ANK1: variants seen among roughly 807,000 people sequenced by gnomAD.
ANK1 encodes ankyrin-1.
A neutral mutation model predicts 210.4 loss-of-function variants in ANK1; 51 were observed. That is an observed-to-expected ratio of 0.24 (90% confidence interval 0.19 to 0.31). The LOEUF (loss-of-function observed/expected upper bound fraction) is 0.31. ANK1 is among the 10% of genes least tolerant of loss of function. ANK1 has a pLI of 1.00. For missense variants in ANK1, 2,051 were observed against 2,504.4 expected (o/e 0.82, Z 3.86); for synonymous variants, 967 against 1,025.9 (o/e 0.94, Z 1.10).
At chr8:41,868,546 G>A (rs984338479) in intron 1 of ANK1, among the ~76,000 whole-genome samples, 3 of 152,138 alleles carry the variant, frequency 2.0e-5, no homozygotes, top group African/African-American at 7.2e-5. Flanking sequence ...AAATGTTCAC[G>A]GCATTTATTC....
At chr8:41,815,553 T>C (rs567938976) in intron 1 of ANK1, among the ~76,000 whole-genome samples, 17 of 152,244 alleles carry the variant, frequency 1.1e-4, no homozygotes, top group Non-Finnish European at 2.1e-4. Context: ...TGAAACAACC[T>C]TTTGATAACC....
intron 9 of ANK1, among the ~76,000 whole-genome samples, chr8:41,720,456 A>T (rs1586434567): frequency 6.6e-6 from 1 of 152,200 alleles, no homozygotes; most frequent in South Asian, 2.1e-4. Flanking sequence ...CTCATTTCTC[A>T]AACAGCAATT....
Position 41,661,506 on chromosome 8 carries a change from T to C in ANK1, c.5603A>G (p.Gln1868Arg), listed in dbSNP as rs770130197. The C allele has an allele frequency of 1.2e-6, 2 of 1,614,080 alleles. No homozygotes were observed. The highest frequency in any genetic ancestry group is 3.3e-5 in the Admixed American group (2 of 60,026). ...TTTCAGGCTGGCCCGCTTCACTATCTGCGCCCCCTTCCTGCCCTCTATCAG... is the reference window on the plus strand; with the variant it reads ...TTTCAGGCTGGCCCGCTTCACTATCCGCGCCCCCTTCCTGCCCTCTATCAG... ...PDLIEGRKGAQIVKRASLKRG... is the reference protein window; with the variant it reads ...PDLIEGRKGARIVKRASLKRG... Residue 1868 changes from glutamine to arginine, a missense_variant, in exon 42 of 43, where the codon CAG becomes CGG. This residue lies in a region of ANK1 where 496 missense variants were observed against 533.4 expected (regional missense o/e 0.93). Transcript: ENST00000289734.
chr8:41,748,952 A>C (rs145450557), intron 2 of ANK1, among the ~76,000 whole-genome samples: 9 of 151,828 alleles, frequency 5.9e-5, no homozygotes, highest in Non-Finnish European at 1.0e-4. Flanking sequence ...GGAGAATGGC[A>C]TGAACCTGGG....
At chr8:41,742,493 C>T (rs960291998) in intron 2 of ANK1, among the ~76,000 whole-genome samples, 1 of 152,224 alleles carries the variant, frequency 6.6e-6, no homozygotes, top group African/African-American at 2.4e-5. Context: ...TCAGCTGCAT[C>T]CCGTGACTGA....
At chr8:41,896,628 C>T in exon 1 of ANK1, 1 of 1,146,026 alleles carries the variant, frequency 8.7e-7, no homozygotes, top group Non-Finnish European at 1.1e-6. Context: ...GCTGCGGGGT[C>T]GCGGGAAGGC....
intron 23 of ANK1, among the ~76,000 whole-genome samples, chr8:41,698,873 T>C (rs556348148): frequency 6.6e-6 from 1 of 152,212 alleles, no homozygotes; most frequent in African/African-American, 2.4e-5. Flanking sequence ...CTTGGCTCAC[T>C]ACAACCTCCG....
upstream of ANK1, chr8:41,797,771 C>A (rs1849071547): frequency 3.7e-6 from 2 of 546,118 alleles, no homozygotes; most frequent in East Asian, 3.5e-5. The surrounding 1 kb of genome is among the most constrained non-coding windows in gnomAD (Gnocchi z 4.0). Context: ...CCTCCCCCAA[C>A]CCCAGGAGGC....
chr8:41,850,672 GA>G (rs201768897), intron 1 of ANK1, among the ~76,000 whole-genome samples: 1,671 of 152,242 alleles, frequency 0.011, 27 homozygotes, highest in African/African-American at 0.037. Context: ...GCAGAGATGG[GA>G]ATCTCACTAT....
At chr8:41,892,932 C>G (rs923708380) in intron 1 of ANK1, among the ~76,000 whole-genome samples, 1 of 151,120 alleles carries the variant, frequency 6.6e-6, no homozygotes, top group South Asian at 2.1e-4. Flanking sequence ...GTGAACATAA[C>G]TAGGGACAAG....
intron 2 of ANK1, among the ~76,000 whole-genome samples, chr8:41,754,974 G>A (rs985139993): frequency 6.6e-6 from 1 of 152,228 alleles, no homozygotes; most frequent in Non-Finnish European, 1.5e-5. Context: ...AGCAGCAAGG[G>A]GCTTTGCACT....
At chr8:41,655,954 C>T (rs1189958539) in intron 42 of ANK1, among the ~76,000 whole-genome samples, 3 of 152,270 alleles carry the variant, frequency 2.0e-5, no homozygotes, top group Admixed American at 6.5e-5. Context: ...CTCTTGCTCC[C>T]TATGCAGAGG....
At chr8:41,691,941 C>A (rs542225983) in intron 31 of ANK1, among the ~76,000 whole-genome samples, 1 of 152,242 alleles carries the variant, frequency 6.6e-6, no homozygotes, top group Non-Finnish European at 1.5e-5. Flanking sequence ...GATCCTCCTG[C>A]CTCAGCCTTC....
chr8:41,660,603 T>TCATGG (rs1807729898), intron 42 of ANK1: 13 of 442,754 alleles, frequency 2.9e-5, no homozygotes, highest in South Asian at 2.2e-4. Flanking sequence ...TGTCCCTTCC[T>TCATGG]CATGGCACGG....
chr8:41,776,675 C>A (rs1283003313), intron 1 of ANK1, among the ~76,000 whole-genome samples: 1 of 152,222 alleles, frequency 6.6e-6, no homozygotes, highest in African/African-American at 2.4e-5. Context: ...TAAATGCTGA[C>A]TGCAGAGGTT....
chr8:41,841,014 A>G (rs1808794181), intron 1 of ANK1, among the ~76,000 whole-genome samples: 1 of 152,172 alleles, frequency 6.6e-6, no homozygotes, highest in South Asian at 2.1e-4. Context: ...AATTACTGCG[A>G]ATCTACCGTG....
intron 3 of ANK1, among the ~76,000 whole-genome samples, chr8:41,730,479 G>T (rs1831911889): frequency 6.7e-6 from 1 of 149,490 alleles, no homozygotes; most frequent in African/African-American, 2.5e-5. Flanking sequence ...AAGGCATAAA[G>T]CCTGTTTATG....
Position 41,823,866 on chromosome 8 carries a change from T to G in ANK1, c.127-65729A>C, listed in dbSNP as rs568437941. On this transcript the variant is annotated intron_variant, in intron 1 of 42. Coordinates refer to the ANK1 transcript ENST00000265709. Reference sequence around the variant, plus strand: ...TCCTTCCTAACCCAATATTATTAACTTGGCATTTATCGTTCAAGACACTTC... The same window carrying G: ...TCCTTCCTAACCCAATATTATTAACGTGGCATTTATCGTTCAAGACACTTC... Among the ~76,000 whole-genome samples the G allele has an allele frequency of 4.7e-4, 71 of 152,374 alleles. 1 individual carries two copies. The highest frequency in any genetic ancestry group is 1.7e-3 in the African/African-American group (70 of 41,592).
intron 33 of ANK1, 49 bp downstream of exon 33, chr8:41,690,178 T>TA (rs1246180434): frequency 7.4e-6 from 12 of 1,613,494 alleles, no homozygotes; most frequent in Admixed American, 1.7e-5. Flanking sequence ...GGGGACCTCC[T>TA]ACAGGGAAGC....
Sources: gnomAD v4.1 joint callset for allele counts (sites outside exome capture counted in the v4.1 genomes callset) on GRCh38, gnomAD v4.1.1 for gene constraint, gnomAD v4.1.1 regional missense constraint, Gnocchi (gnomAD v3.1) non-coding constraint, MANE v1.5 for transcripts, NCBI Gene and HGNC (gene_info 2026-07-23, HGNC 2026-07-21) for gene names.